Variants in KCNN2 observed in about 807,000 individuals in gnomAD.
The protein encoded by KCNN2 is small conductance calcium-activated potassium channel protein 2.
Under a neutral mutation model 55.5 loss-of-function variants are expected in KCNN2, and 24 were observed. The observed-to-expected ratio is 0.43, with a 90% confidence interval of 0.31 to 0.61. The LOEUF (loss-of-function observed/expected upper bound fraction) is 0.61. KCNN2 is among the 20% of genes least tolerant of loss of function. The probability of loss-of-function intolerance (pLI) is 0.08; values close to 1 mark genes in which losing one functional copy is unlikely to be tolerated. For missense variants in KCNN2, 754 were observed against 853.6 expected, an observed-to-expected ratio of 0.88 and a Z score of 1.45; for synonymous variants, 431 against 336.1, an observed-to-expected ratio of 1.28 and a Z score of -3.09.
At chr5:114,382,246 T>C (rs1292868448) in intron 2 of KCNN2, among the ~76,000 whole-genome samples, 1 of 152,208 alleles carries the variant, frequency 6.6e-6, no homozygotes, top group Non-Finnish European at 1.5e-5. Flanking sequence ...AAAATGGGAT[T>C]TCCAGCTTTA....
intron 6 of KCNN2, among the ~76,000 whole-genome samples, chr5:114,492,992 A>C (rs1350642): frequency 1.3e-5 from 2 of 151,986 alleles, no homozygotes; most frequent in African/African-American, 4.8e-5. Context: ...CCTGTATCTA[A>C]TCATGTAGGC....
At position 114,263,573 on chromosome 5, in the gene KCNN2, T is replaced by A. The variant is rs1470204664; in HGVS notation, c.-185+42008T>A. Among the ~76,000 whole-genome samples, 4 of 152,176 alleles carry A rather than the reference T, an allele frequency of 2.6e-5. No homozygotes were observed. The East Asian group carries it at 5.8e-4, about 22-fold the overall frequency. The stretch of plus-strand genomic sequence containing the variant: ...TCCCTTCACCCGTTTTGAATCTGGC[T>A]CTTGCTCAGTGGGCAGTATGATCTA... On this transcript the variant is annotated intron_variant, in intron 2 of 10. Transcript: ENST00000512097.
At chr5:114,233,163 G>A (rs958315403) in intron 2 of KCNN2, among the ~76,000 whole-genome samples, 8 of 150,562 alleles carry the variant, frequency 5.3e-5, no homozygotes, top group Non-Finnish European at 8.9e-5. Context: ...CTCGTGATCC[G>A]CCCGCCTCGG....
chr5:114,387,736 G>T (rs1758328471), intron 2 of KCNN2, among the ~76,000 whole-genome samples: 1 of 152,132 alleles, frequency 6.6e-6, no homozygotes, highest in Non-Finnish European at 1.5e-5. Flanking sequence ...CAGAAGAAAG[G>T]CTCTATCTAC....
chr5:114,149,264 C>T (rs1272824086), intron 1 of KCNN2, among the ~76,000 whole-genome samples: 4 of 152,082 alleles, frequency 2.6e-5, no homozygotes, highest in Admixed American at 2.0e-4. Context: ...ACCTGGAGAC[C>T]TTATCGTCGA....
At chr5:114,138,488 G>A (rs939423921) in intron 1 of KCNN2, among the ~76,000 whole-genome samples, 4 of 152,088 alleles carry the variant, frequency 2.6e-5, no homozygotes, top group Non-Finnish European at 5.9e-5. Flanking sequence ...CCTTAAGGTC[G>A]TATATATTTC....
intron 3 of KCNN2, among the ~76,000 whole-genome samples, chr5:114,462,244 G>GTGAT: frequency 6.6e-6 from 1 of 152,324 alleles, no homozygotes; most frequent in Admixed American, 6.5e-5. Context: ...CAACCGAAGT[G>GTGAT]TGATAGGATA....
intron 2 of KCNN2, among the ~76,000 whole-genome samples, chr5:114,251,535 T>C (rs1003833924): frequency 6.6e-6 from 1 of 152,220 alleles, no homozygotes; most frequent in Non-Finnish European, 1.5e-5. Flanking sequence ...TAGTTATTAT[T>C]GTTGTTCTTA....
chr5:114,108,207 T>C (rs1751527465), intron 1 of KCNN2, among the ~76,000 whole-genome samples: 1 of 152,090 alleles, frequency 6.6e-6, no homozygotes, highest in African/African-American at 2.4e-5. Flanking sequence ...GAAGGATTTC[T>C]ACATTTCAGT....
At chr5:114,486,610 C>A in intron 5 of KCNN2, 1 of 511,954 alleles carries the variant, frequency 2.0e-6, no homozygotes, top group Non-Finnish European at 3.2e-6. Flanking sequence ...GGAAACATGC[C>A]CTTCCAGTAG....
At chr5:114,437,009 GT>G (rs959629653) in intron 3 of KCNN2, among the ~76,000 whole-genome samples, 3 of 151,854 alleles carry the variant, frequency 2.0e-5, no homozygotes, top group Non-Finnish European at 4.4e-5. Flanking sequence ...TTTGTGGGTT[GT>G]TTTTTTCTTA....
chr5:114,174,155 G>T (rs1023713645), intron 1 of KCNN2, among the ~76,000 whole-genome samples: 1 of 151,902 alleles, frequency 6.6e-6, no homozygotes, highest in Non-Finnish European at 1.5e-5. Context: ...GAAGTAAAAC[G>T]ATCAAAAACA....
At position 114,265,324 on chromosome 5, in the gene KCNN2, G is replaced by GGTGT. The variant is rs60111802; in HGVS notation, c.-185+43797_-185+43800dup. ...CAGGGAAACAGAACCATCAAGAGGA[G>GGTGT]GTGTGTGTGTGTGTGTGTGTGTGTG... On this transcript the variant is annotated intron_variant, in intron 2 of 10. Coordinates refer to the KCNN2 transcript ENST00000512097. Among the ~76,000 whole-genome samples the GGTGT allele has an allele frequency of 3.6e-3, 535 of 149,228 alleles. 3 individuals are homozygous for GGTGT. Among genetic ancestry groups the GGTGT allele is most frequent in the African/African-American group, 0.012 (467 of 40,272 alleles).
intron 1 of KCNN2, among the ~76,000 whole-genome samples, chr5:114,078,347 A>C (rs1459939096): frequency 1.3e-5 from 2 of 152,224 alleles, no homozygotes; most frequent in Non-Finnish European, 2.9e-5. Flanking sequence ...TCCTGCTGAC[A>C]CATAAACTAG....
intron 1 of KCNN2, among the ~76,000 whole-genome samples, chr5:114,219,518 G>A (rs182763626): frequency 7.3e-4 from 111 of 152,272 alleles, no homozygotes; most frequent in Non-Finnish European, 1.0e-3. Context: ...CTTCTTTGAA[G>A]TTAAACTGTC....
At chr5:114,198,286 A>T (rs1753599072) in intron 1 of KCNN2, among the ~76,000 whole-genome samples, 2 of 150,784 alleles carry the variant, frequency 1.3e-5, no homozygotes, top group South Asian at 4.2e-4. Context: ...TATATGTTAA[A>T]AATAATGGCA....
At chr5:114,292,973 C>G (rs1338675823) in intron 2 of KCNN2, among the ~76,000 whole-genome samples, 1 of 152,166 alleles carries the variant, frequency 6.6e-6, no homozygotes, top group Non-Finnish European at 1.5e-5. Flanking sequence ...GGAGTTTACT[C>G]ATGATTTGGC....
chr5:114,225,363 A>T (rs2112597227), intron 2 of KCNN2, among the ~76,000 whole-genome samples: 1 of 152,348 alleles, frequency 6.6e-6, no homozygotes, highest in East Asian at 1.9e-4. Flanking sequence ...TAGAAGAAGC[A>T]TCAAGAAGGT....
chr5:114,320,581 T>G (rs1386114080), intron 2 of KCNN2, among the ~76,000 whole-genome samples: 1 of 150,342 alleles, frequency 6.7e-6, no homozygotes, highest in African/African-American at 2.5e-5. Context: ...GCCACTGCAC[T>G]CCAGCCTGGG....
Sources: allele counts gnomAD v4.1 joint callset (sites outside exome capture counted in the v4.1 genomes callset), GRCh38; gene constraint gnomAD v4.1.1; transcripts MANE v1.5; gene names NCBI Gene and HGNC (gene_info 2026-07-23, HGNC 2026-07-21).